Variants in MYO1H observed in about 807,000 individuals in gnomAD.
The protein encoded by MYO1H is myosin IH.
A neutral mutation model predicts 149.3 loss-of-function variants in MYO1H; 118 were observed. The ratio of observed to expected loss-of-function variants is 0.79; its 90% CI spans 0.68 to 0.92. The LOEUF is 0.92. Among genes scored for constraint, MYO1H ranks in the 40% least tolerant of loss-of-function variants. The pLI, the probability that MYO1H is intolerant of heterozygous loss-of-function variation, is 0.00. For synonymous variants in MYO1H, 447 were observed against 465.2 expected (o/e 0.96, Z 0.50); for missense variants, 1,212 against 1,280.7 (o/e 0.95, Z 0.82).
intron 1 of MYO1H, among the ~76,000 whole-genome samples, chr12:109,368,028 T>A (rs948315478): frequency 6.6e-6 from 1 of 152,174 alleles, no homozygotes; most frequent in Admixed American, 6.5e-5. Context: ...CCAGCAGCAA[T>A]CTTTTTGATG....
At chr12:109,401,095 C>T in exon 6 of MYO1H, 1 of 1,613,232 alleles carries the variant, frequency 6.2e-7, no homozygotes, top group Non-Finnish European at 8.5e-7. Context: ...TTTTGAAGGG[C>T]ATTCCCGTAG....
At chr12:109,443,011 TA>T (rs1241056427) in intron 27 of MYO1H, among the ~76,000 whole-genome samples, 6 of 56,888 alleles carry the variant, frequency 1.1e-4, no homozygotes, top group African/African-American at 5.4e-4. Flanking sequence ...AAAAAAAAAA[TA>T]TATATATATA....
chr12:109,411,483 A>G (rs1045819177), intron 13 of MYO1H, among the ~76,000 whole-genome samples: 3 of 152,246 alleles, frequency 2.0e-5, no homozygotes, highest in African/African-American at 7.2e-5. Context: ...GAACTTAAGA[A>G]ATATAAAAAC....
At chr12:109,410,602 A>C in intron 12 of MYO1H, 86 bp from the exon 13 acceptor site, 1 of 798,338 alleles carries the variant, frequency 1.3e-6, no homozygotes, top group Non-Finnish European at 2.1e-6. Flanking sequence ...ATTTTGAAAA[A>C]AGATGTTTTA....
chr12:109,430,264 G>A (rs1056662980), intron 19 of MYO1H, among the ~76,000 whole-genome samples: 42 of 152,128 alleles, frequency 2.8e-4, no homozygotes, highest in African/African-American at 8.5e-4. Context: ...TCACGGGATC[G>A]AGCTGGAGAT....
intron 19 of MYO1H, among the ~76,000 whole-genome samples, chr12:109,431,900 C>G (rs1281873574): frequency 6.6e-6 from 1 of 151,642 alleles, no homozygotes; most frequent in Non-Finnish European, 1.5e-5. Context: ...TCCCTGAAGC[C>G]TCAACCTCCT....
At chr12:109,378,535 G>A (rs925643867) in intron 1 of MYO1H, among the ~76,000 whole-genome samples, 1 of 151,896 alleles carries the variant, frequency 6.6e-6, no homozygotes, top group African/African-American at 2.4e-5. Flanking sequence ...TGCTACCCAG[G>A]CTAGTCTCAA....
the MYO1H span, among the ~76,000 whole-genome samples, chr12:109,336,333 A>G: frequency 2.0e-5 from 3 of 152,124 alleles, no homozygotes; most frequent in South Asian, 6.2e-4. Flanking sequence ...TGTTAACACC[A>G]CATCTTCTGC....
At chr12:109,432,954 C>T (rs373340594) in exon 20 of MYO1H, 3 of 1,613,832 alleles carry the variant, frequency 1.9e-6, no homozygotes, top group Admixed American at 1.7e-5. Context: ...CAGCAGAGGG[C>T]GTGGAACGGC....
chr12:109,430,819 A>G (rs12425349), intron 19 of MYO1H, among the ~76,000 whole-genome samples: 29 of 152,216 alleles, frequency 1.9e-4, no homozygotes, highest in Admixed American at 1.8e-3. Context: ...CCAGCTACAC[A>G]GGAGGCTGAA....
At chr12:109,394,768 CAT>C (rs1332960531) in intron 3 of MYO1H, among the ~76,000 whole-genome samples, 1 of 152,012 alleles carries the variant, frequency 6.6e-6, no homozygotes, top group African/African-American at 2.4e-5. Flanking sequence ...GCATCACCAC[CAT>C]ATATATGTTG....
At chr12:109,401,806 A>G (rs1411429215) in intron 6 of MYO1H, among the ~76,000 whole-genome samples, 1 of 151,688 alleles carries the variant, frequency 6.6e-6, no homozygotes, top group African/African-American at 2.4e-5. Context: ...GTAGCATAAT[A>G]ATGGCTCATT....
intron 16 of MYO1H, among the ~76,000 whole-genome samples, chr12:109,422,029 T>G (rs965354923): frequency 5.3e-5 from 8 of 152,052 alleles, no homozygotes; most frequent in African/African-American, 1.9e-4. Flanking sequence ...CTATGACGCC[T>G]AGGCTGGTCT....
chr12:109,411,160 TA>T lies in MYO1H; in HGVS notation c.1410+399del, dbSNP rs1016559973. On this transcript the variant is annotated intron_variant, in intron 13 of 31. Transcript: ENST00000310903. Reference sequence around the variant, plus strand: ...CCATCTCAAAAAATAAAAATAAAAATAAAAAAAGGGTTGAGCCAGGGTGGTC... The same window carrying T: ...CCATCTCAAAAAATAAAAATAAAAATAAAAAAGGGTTGAGCCAGGGTGGTC... Among the ~76,000 whole-genome samples, 4 of 150,752 alleles carry T rather than the reference TA, an allele frequency of 2.7e-5. No homozygotes were observed. The South Asian group carries it at 6.3e-4, about 24-fold the overall frequency.
rs1018658563 is a variant in MYO1H at position 109,445,695 on chromosome 12, T to C, written c.3093+83T>C. On this transcript the variant is annotated intron_variant, in intron 31 of 31. Transcript: ENST00000310903. ...GTTCTACCAATTTCAGTCCTGTAGA[T>C]TGACTGGAATCATAAGCTATTAATA... 3.3e-6 allele frequency: 5 copies of C among 1,507,556 alleles called. No individual in the cohort carries two copies. In the African/African-American group the frequency reaches 5.6e-5, roughly 17 times the overall value. 93.4% of individuals were successfully genotyped at this position (1,507,556 alleles called of 1,614,324 possible).
intron 17 of MYO1H, among the ~76,000 whole-genome samples, chr12:109,425,274 C>G (rs544720316): frequency 6.6e-6 from 1 of 152,282 alleles, no homozygotes; most frequent in East Asian, 1.9e-4. Flanking sequence ...TTTGAAGTTA[C>G]AATGAGCCAT....
At chr12:109,400,462 C>T (rs536297239) in intron 5 of MYO1H, among the ~76,000 whole-genome samples, 1 of 152,230 alleles carries the variant, frequency 6.6e-6, no homozygotes, top group Non-Finnish European at 1.5e-5. Flanking sequence ...GCTTCTTGGC[C>T]ACTTAAAGGC....
the MYO1H span, among the ~76,000 whole-genome samples, chr12:109,310,508 G>A: frequency 6.6e-6 from 1 of 152,206 alleles, no homozygotes; most frequent in African/African-American, 2.4e-5. Flanking sequence ...CGCCCCCACC[G>A]AGTGAGGCTC....
intron 1 of MYO1H, among the ~76,000 whole-genome samples, chr12:109,372,818 T>C (rs544568375): frequency 5.3e-5 from 8 of 152,058 alleles, no homozygotes; most frequent in Non-Finnish European, 1.0e-4. Flanking sequence ...GTATTTTAAA[T>C]GGGACTTTAT....
Sources: gnomAD v4.1 joint callset for allele counts (sites outside exome capture counted in the v4.1 genomes callset) on GRCh38, gnomAD v4.1.1 for gene constraint, MANE v1.5 for transcripts, NCBI Gene and HGNC (gene_info 2026-07-23, HGNC 2026-07-21) for gene names.